The following ZNF516 variants were observed in gnomAD, a reference collection of about 807,000 sequenced individuals.
ZNF516 encodes the protein zinc finger protein 516.
In ZNF516, 19 loss-of-function variants were observed where a neutral mutation model predicts 79.7. The observed-to-expected ratio is 0.24, with a 90% CI of 0.17 to 0.35. The LOEUF (loss-of-function observed/expected upper bound fraction) is 0.35, where lower values mean the gene tolerates loss of function less well. Among genes scored for constraint, ZNF516 ranks in the 10% least tolerant of loss-of-function variants. ZNF516 has a pLI of 1.00. For missense variants in ZNF516, 1,678 were observed against 1,679.5 expected (o/e 1.00, Z 0.02); for synonymous variants, 877 against 739.5 (o/e 1.19, Z -3.02).
chr18:76,439,089 A>G (rs1469192042), intron 3 of ZNF516, among the ~76,000 whole-genome samples: 1 of 152,278 alleles, frequency 6.6e-6, no homozygotes, highest in Admixed American at 6.5e-5. Context: ...CTGCAGATTT[A>G]AATATGAGAT....
At chr18:76,438,705 C>T (rs954259953) in intron 3 of ZNF516, among the ~76,000 whole-genome samples, 1 of 152,176 alleles carries the variant, frequency 6.6e-6, no homozygotes, top group South Asian at 2.1e-4. Flanking sequence ...AGAGGAGTTT[C>T]TTTCACTTAA....
At position 76,442,015 on chromosome 18, in the gene ZNF516, A is replaced by G. The variant is rs368787596; in HGVS notation, c.1040T>C (p.Leu347Pro). The change falls in exon 3 of 7, where the codon CTG becomes CCG. Residue 347 changes from leucine (L) to proline (P), a missense_variant. By Grantham distance (98) the Leu-to-Pro change is moderately conservative (BLOSUM62 -3). This residue lies in a region of ZNF516 where 1,294 missense variants were observed against 1,248.3 expected (regional missense o/e 1.04). Coordinates refer to ENST00000443185, the MANE Select transcript of ZNF516 (RefSeq NM_014643.4). Reference protein sequence around the residue: ...CAKCGNLFTNLDSLNAHNAIH... With the variant: ...CAKCGNLFTNPDSLNAHNAIH... ...GGCATTGTGGGCGTTCAAGCTGTCCAGGTTTGTAAACAGGTTCCCGCACTT... is the reference window on the plus strand; with the variant it reads ...GGCATTGTGGGCGTTCAAGCTGTCCGGGTTTGTAAACAGGTTCCCGCACTT... 1 of 1,613,818 alleles carries G rather than the reference A, an allele frequency of 6.2e-7. No homozygotes were observed. The highest frequency in any genetic ancestry group is 2.2e-5 in the East Asian group (1 of 44,868).
In ZNF516 at chr18:76,370,471, G is replaced by A. The variant is rs199609063; in HGVS notation, c.3432+57C>T. Reference sequence around the variant, plus strand: ...ATGCTTCAGTGATGAGCATCATGGTGCACCTTTCCCAGCTACCGCATCGAA... The same window carrying A: ...ATGCTTCAGTGATGAGCATCATGGTACACCTTTCCCAGCTACCGCATCGAA... On this transcript the variant is annotated intron_variant, in intron 6 of 6. Coordinates refer to ENST00000443185, the MANE Select transcript of ZNF516 (RefSeq NM_014643.4). The A allele has an allele frequency of 4.9e-5, 72 of 1,481,148 alleles. No individual in the cohort carries two copies. The East Asian group carries it at 1.6e-3, about 33-fold the overall frequency. The allele number at this position is 1,481,148 out of a possible 1,614,324, so 91.8% of individuals were successfully genotyped here.
chr18:76,386,075 C>G (rs955988279), intron 3 of ZNF516: 5 of 152,176 alleles, frequency 3.3e-5, no homozygotes, highest in Admixed American at 3.3e-4. Context: ...TATTGGGCTT[C>G]GTAAAAGCCA....
At chr18:76,427,931 G>A (rs1458868934) in intron 3 of ZNF516, among the ~76,000 whole-genome samples, 1 of 152,052 alleles carries the variant, frequency 6.6e-6, no homozygotes, top group Non-Finnish European at 1.5e-5. Flanking sequence ...GTTTCATAAA[G>A]GCAATTTTAG....
chr18:76,442,830 G>C lies in ZNF516; in HGVS notation c.225C>G (p.Gly75=), dbSNP rs1241350460. The change falls in exon 3 of 7, where the codon GGC becomes GGG. Residue 75 remains glycine (G), a synonymous_variant. Transcript: ENST00000443185. The stretch of plus-strand genomic sequence containing the variant: ...GGCTCCGGATGTGAATCTTCAGGTT[G>C]CCCTTCTGGGAAGCCCGGTGGTCGC... The part of the protein sequence containing the change: ...PYCDHRASQK[G]NLKIHIRSHR... The C allele has an allele frequency of 6.2e-7, 1 of 1,612,918 alleles. No individual in the cohort carries two copies. Among genetic ancestry groups the C allele is most frequent in the South Asian group, 1.1e-5 (1 of 90,812 alleles).
At chr18:76,381,528 T>C (rs1186918412) in intron 3 of ZNF516, among the ~76,000 whole-genome samples, 3 of 152,214 alleles carry the variant, frequency 2.0e-5, no homozygotes, top group Non-Finnish European at 4.4e-5. Context: ...CTTTAAAATG[T>C]TCTAAGTGTA....
At chr18:76,411,235 T>C (rs2075369346) in intron 3 of ZNF516, among the ~76,000 whole-genome samples, 1 of 152,206 alleles carries the variant, frequency 6.6e-6, no homozygotes, top group African/African-American at 2.4e-5. Flanking sequence ...GTCACAATCC[T>C]GTCATTCTGG....
In ZNF516 at chr18:76,370,592, A is replaced by G. The variant is rs368141626; in HGVS notation, c.3368T>C (p.Val1123Ala). Reference sequence around the variant, plus strand: ...ACCCCGAGGCCCATCGGACTCAAACACCACTGTGGGAACAAGGGGTTTGTT... The same window carrying G: ...ACCCCGAGGCCCATCGGACTCAAACGCCACTGTGGGAACAAGGGGTTTGTT... ...LRAHMRAHSV[V>A]FESDGPRGSE... The change falls in exon 6 of 7, where the codon GTG becomes GCG. Residue 1123 changes from valine to alanine, a missense_variant. By Grantham distance (64) the Val-to-Ala change is moderately conservative. Around this residue, in one of 5 missense-constraint regions of ZNF516, gnomAD observed 1,294 missense variants for 1,248.3 expected, o/e 1.04. Coordinates refer to ENST00000443185, the MANE Select transcript of ZNF516 (RefSeq NM_014643.4). 4.4e-6 allele frequency: 7 copies of G among 1,600,274 alleles called. No individual in the cohort carries two copies. The East Asian group carries it at 6.7e-5, about 15-fold the overall frequency.
At chr18:76,432,050 G>C (rs953276230) in intron 3 of ZNF516, among the ~76,000 whole-genome samples, 3 of 152,358 alleles carry the variant, frequency 2.0e-5, no homozygotes, top group African/African-American at 7.2e-5. Flanking sequence ...CCGTGGATGA[G>C]ACGCTTTGGA....
chr18:76,383,791 A>G (rs1240209025), intron 3 of ZNF516, among the ~76,000 whole-genome samples: 1 of 152,242 alleles, frequency 6.6e-6, no homozygotes, highest in Non-Finnish European at 1.5e-5. Context: ...CGCAGGCCCA[A>G]GCGCTCCCCG....
intron 3 of ZNF516, among the ~76,000 whole-genome samples, chr18:76,385,096 A>G (rs531158718): frequency 1.4e-3 from 212 of 152,328 alleles, no homozygotes; most frequent in African/African-American, 4.8e-3. Flanking sequence ...GAGAAGGCGC[A>G]CGTCGCTCCC....
chr18:76,442,849 T>C lies in ZNF516; in HGVS notation c.206A>G (p.His69Arg). 1 of 1,613,394 alleles carries C rather than the reference T, an allele frequency of 6.2e-7. No homozygotes were observed. Among genetic ancestry groups the C allele is most frequent in the African/African-American group, 1.3e-5 (1 of 75,040 alleles). Residue 69 changes from histidine to arginine, a missense_variant, in exon 3 of 7, where the codon CAC becomes CGC. By Grantham distance (29) the His-to-Arg change is conservative. Transcript: ENST00000443185. ...EKPYKCPYCD[H>R]RASQKGNLKI... is the part of the protein sequence containing the mutation. Reference sequence around the variant, plus strand: ...CAGGTTGCCCTTCTGGGAAGCCCGGTGGTCGCAGTAGGGACACTTGTAGGG... The same window carrying C: ...CAGGTTGCCCTTCTGGGAAGCCCGGCGGTCGCAGTAGGGACACTTGTAGGG...
At chr18:76,381,019 G>A (rs764298823) in intron 3 of ZNF516, among the ~76,000 whole-genome samples, 2 of 152,198 alleles carry the variant, frequency 1.3e-5, no homozygotes, top group Admixed American at 6.5e-5. Context: ...CCGGGGTTCC[G>A]CCCCTCAAGC....
chr18:76,378,074 C>G (rs543056247), intron 4 of ZNF516: 1 of 152,312 alleles, frequency 6.6e-6, no homozygotes, highest in African/African-American at 2.4e-5. Flanking sequence ...AACTGAGAGA[C>G]TCTGTTTTGT....
At chr18:76,406,145 G>A (rs553317492) in intron 3 of ZNF516, among the ~76,000 whole-genome samples, 1 of 152,318 alleles carries the variant, frequency 6.6e-6, no homozygotes, top group African/African-American at 2.4e-5. Context: ...CGCCCGGCCT[G>A]CAACTCGCCC....
At chr18:76,485,000 G>A (rs894569886) in intron 1 of ZNF516, among the ~76,000 whole-genome samples, 13 of 152,252 alleles carry the variant, frequency 8.5e-5, no homozygotes, top group African/African-American at 2.9e-4. Flanking sequence ...CCAAGTTTAC[G>A]TTGCTACGGC....
At chr18:76,374,851 G>A (rs2074761549) in intron 4 of ZNF516, among the ~76,000 whole-genome samples, 1 of 152,156 alleles carries the variant, frequency 6.6e-6, no homozygotes, top group Non-Finnish European at 1.5e-5. Flanking sequence ...CACATGCGGT[G>A]AGAAGAGAAG....
chr18:76,397,770 TA>T, intron 3 of ZNF516, among the ~76,000 whole-genome samples: 1 of 152,156 alleles, frequency 6.6e-6, no homozygotes, highest in Non-Finnish European at 1.5e-5. Flanking sequence ...GCTACTTTTT[TA>T]AAAACTTTTT....
Sources: gnomAD v4.1 joint callset for allele counts (sites outside exome capture counted in the v4.1 genomes callset) on GRCh38, gnomAD v4.1.1 for gene constraint, gnomAD v4.1.1 regional missense constraint, MANE v1.5 for transcripts, NCBI Gene and HGNC (gene_info 2026-07-23, HGNC 2026-07-21) for gene names.